Variants in SPOCK3 observed in about 807,000 individuals in gnomAD.
SPOCK3 encodes testican-3.
Under a neutral mutation model 56.6 loss-of-function variants are expected in SPOCK3, and 30 were observed. That is an observed-to-expected ratio of 0.53 (90% CI 0.40 to 0.72). SPOCK3 has a LOEUF of 0.72. SPOCK3 is among the 30% of genes least tolerant of loss of function. SPOCK3 has a pLI of 0.00. For synonymous variants in SPOCK3, 196 were observed against 183.3 expected (o/e 1.07, Z -0.56); for missense variants, 527 against 530.0 (o/e 0.99, Z 0.06).
chr4:166,918,526 T>C (rs1738136791), intron 4 of SPOCK3: 1 of 152,110 alleles, frequency 6.6e-6, no homozygotes, highest in Non-Finnish European at 1.5e-5. Flanking sequence ...CTATTAACAA[T>C]GTTGCTATAA....
chr4:166,942,198 C>T (rs929244257), intron 4 of SPOCK3, among the ~76,000 whole-genome samples: 1 of 151,662 alleles, frequency 6.6e-6, no homozygotes, highest in African/African-American at 2.4e-5. Context: ...TTTCCATTTC[C>T]ATTTCTTGAT....
intron 4 of SPOCK3, among the ~76,000 whole-genome samples, chr4:166,929,622 T>C (rs1448553893): frequency 6.6e-6 from 1 of 152,196 alleles, no homozygotes; most frequent in African/African-American, 2.4e-5. Flanking sequence ...AGATTCTTCA[T>C]AAATTCAAGA....
In SPOCK3 at chr4:166,734,775, C is replaced by T. The variant is rs892637473; in HGVS notation, c.*146G>A. On this transcript the variant is annotated 3_prime_UTR_variant, in exon 11 of 11. Coordinates refer to ENST00000357545, the MANE Select transcript of SPOCK3 (RefSeq NM_001040159.2). The stretch of plus-strand genomic sequence containing the variant: ...CTTATTTAAACATAAAGTTCTATAA[C>T]TTTAGCTGCAATTTTTCAAATAATT... 1 of 697,374 alleles carries T rather than the reference C, an allele frequency of 1.4e-6. No homozygotes were observed. The highest frequency in any genetic ancestry group is 2.3e-6 in the Non-Finnish European group (1 of 442,188). The allele number at this position is 697,374 out of a possible 1,614,324, so 43.2% of individuals were successfully genotyped here.
chr4:166,851,379 A>C (rs1730061389), intron 6 of SPOCK3, among the ~76,000 whole-genome samples: 1 of 152,248 alleles, frequency 6.6e-6, no homozygotes, highest in East Asian at 1.9e-4. Context: ...AAGATAGAGC[A>C]GAAAAACTGG....
intron 2 of SPOCK3, among the ~76,000 whole-genome samples, chr4:167,199,227 G>C (rs980251055): frequency 4.2e-5 from 4 of 94,424 alleles, no homozygotes; most frequent in Non-Finnish European, 8.6e-5. Flanking sequence ...ATATTTGTTT[G>C]TGTGTGTGTG....
At chr4:166,781,194 A>G (rs1292635795) in intron 7 of SPOCK3, among the ~76,000 whole-genome samples, 1 of 152,190 alleles carries the variant, frequency 6.6e-6, no homozygotes, top group Non-Finnish European at 1.5e-5. Context: ...AAATAAACCA[A>G]CAATAAACAC....
intron 1 of SPOCK3, 134 bp from the exon 2 acceptor site, chr4:167,234,307 G>T: frequency 1.2e-6 from 1 of 831,886 alleles, no homozygotes. Context: ...GCAGAGGCAA[G>T]CGTGTCCCCT....
chr4:166,747,681 G>T (rs544319469), intron 8 of SPOCK3, among the ~76,000 whole-genome samples: 3 of 152,224 alleles, frequency 2.0e-5, no homozygotes, highest in South Asian at 2.1e-4. Context: ...ATTAGGAAAA[G>T]AGGAAGTCAA....
chr4:166,990,656 G>T (rs1174521331), intron 4 of SPOCK3, among the ~76,000 whole-genome samples: 2 of 151,970 alleles, frequency 1.3e-5, no homozygotes, highest in Non-Finnish European at 2.9e-5. Context: ...CTAGGAGGAG[G>T]TTTAGCTCTA....
At chr4:166,804,950 AAT>A (rs3077147) in intron 6 of SPOCK3, among the ~76,000 whole-genome samples, 10,733 of 152,152 alleles carry the variant, frequency 0.071, 864 homozygotes, top group African/African-American at 0.19. Context: ...CAGAGCTGAA[AAT>A]ATGTTAATTT....
intron 6 of SPOCK3, among the ~76,000 whole-genome samples, chr4:166,872,049 C>T (rs562766018): frequency 4.2e-5 from 1 of 24,022 alleles, no homozygotes; most frequent in Admixed American, 4.2e-4. Flanking sequence ...CACAAACACA[C>T]AAACATACAC....
chr4:166,793,719 T>C (rs1741596812), intron 6 of SPOCK3, among the ~76,000 whole-genome samples: 1 of 152,140 alleles, frequency 6.6e-6, no homozygotes, highest in African/African-American at 2.4e-5. Context: ...ACTAAAATTG[T>C]TACATACAAA....
At chr4:167,105,204 T>A (rs1759999555) in intron 2 of SPOCK3, among the ~76,000 whole-genome samples, 1 of 151,720 alleles carries the variant, frequency 6.6e-6, no homozygotes, top group Non-Finnish European at 1.5e-5. Flanking sequence ...AAAGACTAAA[T>A]GATGAACCAA....
At chr4:167,020,393 A>G (rs149332203) in intron 3 of SPOCK3, among the ~76,000 whole-genome samples, 93 of 152,242 alleles carry the variant, frequency 6.1e-4, no homozygotes, top group African/African-American at 2.1e-3. Context: ...GATTGAATGC[A>G]TGCCCTTAAA....
At chr4:166,927,110 G>A (rs1279687580) in intron 4 of SPOCK3, among the ~76,000 whole-genome samples, 1 of 152,016 alleles carries the variant, frequency 6.6e-6, no homozygotes, top group East Asian at 1.9e-4. Context: ...TTTACTTGTT[G>A]GAAGACATAA....
At chr4:166,999,849 A>T (rs1748770114) in intron 4 of SPOCK3, among the ~76,000 whole-genome samples, 2 of 152,146 alleles carry the variant, frequency 1.3e-5, no homozygotes, top group Non-Finnish European at 2.9e-5. Context: ...GCATCCACCG[A>T]ATAGATACAA....
chr4:166,753,604 T>C (rs1052427957), intron 8 of SPOCK3, among the ~76,000 whole-genome samples: 1 of 152,054 alleles, frequency 6.6e-6, no homozygotes, highest in African/African-American at 2.4e-5. Flanking sequence ...CCCCATATAA[T>C]GTGCTGGTTT....
chr4:167,233,239 G>A (rs1561352626), intron 2 of SPOCK3, among the ~76,000 whole-genome samples: 1 of 152,174 alleles, frequency 6.6e-6, no homozygotes, highest in Non-Finnish European at 1.5e-5. Flanking sequence ...AGCTTCAAGT[G>A]TGGAAACCTG....
intron 2 of SPOCK3, among the ~76,000 whole-genome samples, chr4:167,228,073 C>G (rs1461818494): frequency 6.6e-6 from 1 of 152,030 alleles, no homozygotes; most frequent in Non-Finnish European, 1.5e-5. Flanking sequence ...CCTAACATGT[C>G]TTAACATTTT....
Sources: allele counts gnomAD v4.1 joint callset (sites outside exome capture counted in the v4.1 genomes callset), GRCh38; gene constraint gnomAD v4.1.1; transcripts MANE v1.5; gene names NCBI Gene and HGNC (gene_info 2026-07-23, HGNC 2026-07-21).